DMD: variants seen among roughly 807,000 people sequenced by gnomAD.
The protein encoded by DMD is mutant dystrophin.
DMD carries 63 observed loss-of-function variants against 330.1 expected under a neutral mutation model. The observed-to-expected ratio is 0.19, with a 90% CI of 0.16 to 0.24. The LOEUF (loss-of-function observed/expected upper bound fraction) is 0.24, where lower values mean the gene tolerates loss of function less well. Ranked by LOEUF, DMD falls within the 10% of genes least tolerant of loss-of-function variation. DMD has a pLI of 1.00. For missense variants in DMD, 3,344 were observed against 2,684.1 expected, an observed-to-expected ratio of 1.25 and a Z score of -5.43; for synonymous variants, 1,223 against 959.8, an observed-to-expected ratio of 1.27 and a Z score of -5.07.
chrX:31,694,644 A>ATATG (rs1352738919), intron 52 of DMD, among the ~76,000 whole-genome samples: 4 of 91,480 alleles, frequency 4.4e-5, no homozygotes, highest in Non-Finnish European at 6.3e-5. Context: ...ATATATATAT[A>ATATG]TATATACACA....
chrX:31,222,990 T>C (rs2046251270), intron 64 of DMD, 57 bp downstream of exon 64: 14 of 1,096,905 alleles, frequency 1.3e-5, no homozygotes, highest in Non-Finnish European at 1.8e-5. Flanking sequence ...CCCAACCTAC[T>C]TTTTATTCTA....
chrX:31,580,043 C>A (rs944787524), intron 55 of DMD, among the ~76,000 whole-genome samples: 1 of 111,861 alleles, frequency 8.9e-6, no homozygotes, highest in African/African-American at 3.2e-5. Context: ...TCTCCTGCTT[C>A]CATTTTCACT....
chrX:32,542,378 G>A (rs2048568474), intron 17 of DMD, among the ~76,000 whole-genome samples: 1 of 111,977 alleles, frequency 8.9e-6, no homozygotes, highest in African/African-American at 3.3e-5. Context: ...GTTGCAGTAA[G>A]CTGAGATCCC....
intron 11 of DMD, among the ~76,000 whole-genome samples, chrX:32,618,624 A>G (rs911312610): frequency 1.8e-5 from 2 of 111,348 alleles, no homozygotes; most frequent in Non-Finnish European, 3.8e-5. Flanking sequence ...AAGTTTACCC[A>G]TGTAACAAAA....
intron 7 of DMD, among the ~76,000 whole-genome samples, chrX:32,720,390 C>T (rs757287774): frequency 1.8e-5 from 2 of 111,639 alleles, no homozygotes; most frequent in East Asian, 2.8e-4. Context: ...CTATTACTTA[C>T]ATTTTCTTTT....
intron 1 of DMD, among the ~76,000 whole-genome samples, chrX:33,298,093 T>A: frequency 9.0e-6 from 1 of 111,144 alleles, no homozygotes; most frequent in Non-Finnish European, 1.9e-5. Flanking sequence ...CAAAAAAGTA[T>A]CCCTAAATGA....
intron 13 of DMD, among the ~76,000 whole-genome samples, chrX:32,585,699 C>CAAAAAAAAAAAAAAAAAAAAAAAAA (rs61394183): frequency 3.8e-4 from 12 of 31,931 alleles, no homozygotes; most frequent in Admixed American, 6.7e-4. Flanking sequence ...GACTCCGTCT[C>CAAAAAAAAAAAAAAAAAAAAAAAAA]AAAAAAAAAA....
intron 1 of DMD, among the ~76,000 whole-genome samples, chrX:33,050,583 G>T (rs776271237): frequency 1.8e-5 from 2 of 111,590 alleles, no homozygotes; most frequent in Non-Finnish European, 3.8e-5. Context: ...TTTGAGCAGA[G>T]ATCAAGGGCA....
At chrX:33,108,289 T>C (rs977142083) in intron 1 of DMD, among the ~76,000 whole-genome samples, 2 of 110,671 alleles carry the variant, frequency 1.8e-5, no homozygotes, top group Non-Finnish European at 3.8e-5. Flanking sequence ...AGACGAAGTA[T>C]CCCTCTGTCA....
chrX:31,306,678 A>G (rs772145400), intron 62 of DMD, among the ~76,000 whole-genome samples: 1 of 112,229 alleles, frequency 8.9e-6, no homozygotes, highest in African/African-American at 3.2e-5. Flanking sequence ...TACTACGTAT[A>G]AATTAAACAG....
At chrX:32,448,011 A>T (rs1283080196) in intron 27 of DMD, among the ~76,000 whole-genome samples, 1 of 111,108 alleles carries the variant, frequency 9.0e-6, no homozygotes, top group Non-Finnish European at 1.9e-5. Flanking sequence ...ACTAAAGACA[A>T]TTGTAGTAAA....
chrX:32,193,472 C>A (rs1266063520), intron 44 of DMD, among the ~76,000 whole-genome samples: 2 of 111,705 alleles, frequency 1.8e-5, no homozygotes, highest in African/African-American at 6.5e-5. Context: ...AAAATAAAGG[C>A]TTTATGGCTT....
chrX:33,082,141 T>G (rs1352816064), intron 1 of DMD, among the ~76,000 whole-genome samples: 1 of 111,016 alleles, frequency 9.0e-6, no homozygotes, highest in Non-Finnish European at 1.9e-5. Flanking sequence ...AGAAAAAACT[T>G]TTTCCAAAAA....
chrX:32,679,978 G>A (rs1382489962), intron 9 of DMD, among the ~76,000 whole-genome samples: 4 of 89,497 alleles, frequency 4.5e-5, no homozygotes, highest in Admixed American at 1.4e-4. Context: ...GCAGTGGCGC[G>A]ATCTCGGCTC....
intron 2 of DMD, among the ~76,000 whole-genome samples, chrX:32,991,984 C>G (rs2092990686): frequency 8.9e-6 from 1 of 112,097 alleles, no homozygotes; most frequent in African/African-American, 3.2e-5. Context: ...TTTCTTGAAA[C>G]TTTGGCAAAA....
intron 43 of DMD, among the ~76,000 whole-genome samples, chrX:32,249,876 C>T (rs2097256596): frequency 9.0e-6 from 1 of 111,651 alleles, no homozygotes; most frequent in African/African-American, 3.3e-5. Flanking sequence ...TCCTTGGCTG[C>T]ATCACCTAGC....
intron 1 of DMD, among the ~76,000 whole-genome samples, chrX:33,040,284 A>C (rs1359094405): frequency 1.0e-5 from 1 of 95,955 alleles, no homozygotes; most frequent in Non-Finnish European, 2.4e-5. Context: ...ATTTAAGGAA[A>C]GATACTAAAC....
intron 12 of DMD, among the ~76,000 whole-genome samples, chrX:32,605,315 C>T (rs1283218126): frequency 7.2e-5 from 8 of 110,362 alleles, no homozygotes; most frequent in African/African-American, 2.6e-4. Context: ...AAAGGACATC[C>T]TATTCAGTAA....
At chrX:32,653,565 G>A (rs1191414797) in intron 9 of DMD, among the ~76,000 whole-genome samples, 1 of 111,871 alleles carries the variant, frequency 8.9e-6, no homozygotes, top group Non-Finnish European at 1.9e-5. Context: ...CTGTAGCCTT[G>A]TAGTATAGTT....
Sources: gnomAD v4.1 joint callset for allele counts (sites outside exome capture counted in the v4.1 genomes callset) on GRCh38, gnomAD v4.1.1 for gene constraint, MANE v1.5 for transcripts, NCBI Gene and HGNC (gene_info 2026-07-23, HGNC 2026-07-21) for gene names.